Variants in LSAMP observed in about 807,000 individuals in gnomAD.
LSAMP encodes limbic system-associated membrane protein.
LSAMP carries 7 observed loss-of-function variants against 38.6 expected under a neutral mutation model. The ratio of observed to expected loss-of-function variants is 0.18; its 90% confidence interval spans 0.10 to 0.34. The LOEUF (loss-of-function observed/expected upper bound fraction) is 0.34, where lower values mean the gene tolerates loss of function less well. LSAMP is among the 10% of genes least tolerant of loss of function. The pLI, the probability that LSAMP is intolerant of heterozygous loss-of-function variation, is 1.00. For synonymous variants in LSAMP, 154 were observed against 166.8 expected, an observed-to-expected ratio of 0.92 and a Z score of 0.59; for missense variants, 313 against 420.0, an observed-to-expected ratio of 0.75 and a Z score of 2.23.
Position 116,241,208 on chromosome 3 carries a change from AT to A in LSAMP, c.156-154653del, listed in dbSNP as rs369541950. On this transcript the variant is annotated intron_variant, in intron 1 of 6. Transcript: ENST00000490035. ...AAAAAAAAAACTTGCAGATATTCCCATTTTTTTTTTCTCTTTTGCTTCCTGT... is the reference window on the plus strand; with the variant it reads ...AAAAAAAAAACTTGCAGATATTCCCATTTTTTTTTCTCTTTTGCTTCCTGT... 1.5e-3 allele frequency among the ~76,000 whole-genome samples: 215 copies of A among 143,202 alleles called. 3 individuals are homozygous for A. The highest frequency in any genetic ancestry group is 5.1e-3 in the African/African-American group (199 of 38,896). The allele number at this position is 143,202 out of a possible 152,430, so 93.9% of individuals were successfully genotyped here.
intron 1 of LSAMP, among the ~76,000 whole-genome samples, chr3:116,277,756 A>T (rs1042304695): frequency 2.0e-5 from 3 of 152,168 alleles, no homozygotes; most frequent in African/African-American, 7.2e-5. Context: ...GAGCTGTTTA[A>T]CGGTTACCTG....
intron 1 of LSAMP, among the ~76,000 whole-genome samples, chr3:116,381,093 CT>C (rs1159026693): frequency 1.3e-5 from 2 of 152,032 alleles, no homozygotes; most frequent in African/African-American, 4.8e-5. Flanking sequence ...TTTACCCCCT[CT>C]TTTTGTTTGT....
intron 3 of LSAMP, among the ~76,000 whole-genome samples, chr3:115,885,661 T>A (rs1380281755): frequency 6.6e-6 from 1 of 151,034 alleles, no homozygotes; most frequent in African/African-American, 2.5e-5. Flanking sequence ...AAGTATCTGC[T>A]GCATAAAGCA....
chr3:115,988,465 CTGTT>C (rs934299443), intron 3 of LSAMP, among the ~76,000 whole-genome samples: 10 of 151,786 alleles, frequency 6.6e-5, no homozygotes, highest in Non-Finnish European at 5.9e-5. Context: ...GTTTGTTTGT[CTGTT>C]TGTTTGTTTT....
intron 1 of LSAMP, among the ~76,000 whole-genome samples, chr3:116,439,498 AG>A (rs2049402241): frequency 6.6e-6 from 1 of 151,328 alleles, no homozygotes; most frequent in Non-Finnish European, 1.5e-5. Flanking sequence ...TGCTATAGCA[AG>A]CCCTCCACAT....
intron 1 of LSAMP, among the ~76,000 whole-genome samples, chr3:116,389,303 T>A (rs73151104): frequency 0.026 from 3,914 of 152,190 alleles, 76 homozygotes; most frequent in Middle Eastern, 0.051. Context: ...GATTTTTTTT[T>A]AAAAGGTGCT....
chr3:116,068,855 T>A (rs997029817), intron 2 of LSAMP, among the ~76,000 whole-genome samples: 3 of 152,198 alleles, frequency 2.0e-5, no homozygotes, highest in African/African-American at 7.2e-5. Context: ...GAGCTTGCAC[T>A]AGTAGAGGAA....
At chr3:116,068,432 G>T (rs148792463) in intron 2 of LSAMP, among the ~76,000 whole-genome samples, 2 of 150,088 alleles carry the variant, frequency 1.3e-5, no homozygotes, top group African/African-American at 5.1e-5. Flanking sequence ...CTTCTGACTG[G>T]ATATGTGGTA....
At chr3:116,054,076 G>T (rs1941444580) in intron 2 of LSAMP, among the ~76,000 whole-genome samples, 1 of 152,150 alleles carries the variant, frequency 6.6e-6, no homozygotes, top group South Asian at 2.1e-4. Context: ...CATGGCTATG[G>T]TCCTTCTTGA....
intron 3 of LSAMP, among the ~76,000 whole-genome samples, chr3:115,996,937 T>C (rs1485669905): frequency 6.6e-6 from 1 of 152,074 alleles, no homozygotes; most frequent in Non-Finnish European, 1.5e-5. Context: ...ATTGCTGGCC[T>C]TTTCCAAGGA....
At chr3:115,913,682 A>C (rs1937182703) in intron 3 of LSAMP, among the ~76,000 whole-genome samples, 1 of 152,238 alleles carries the variant, frequency 6.6e-6, no homozygotes, top group South Asian at 2.1e-4. Context: ...ATTGATGAGG[A>C]ATCTCTCTTT....
At chr3:116,021,148 G>T (rs1467864436) in intron 2 of LSAMP, among the ~76,000 whole-genome samples, 3 of 152,110 alleles carry the variant, frequency 2.0e-5, no homozygotes, top group African/African-American at 7.2e-5. Flanking sequence ...AAACCCAATG[G>T]CAGCAGACTG....
intron 1 of LSAMP, among the ~76,000 whole-genome samples, chr3:116,305,414 GA>G (rs2047468465): frequency 6.6e-6 from 1 of 151,966 alleles, no homozygotes; most frequent in South Asian, 2.1e-4. Context: ...CCCAGATTCT[GA>G]GGCAAGATGC....
intron 1 of LSAMP, among the ~76,000 whole-genome samples, chr3:116,442,644 T>A (rs2049452456): frequency 6.6e-6 from 1 of 152,112 alleles, no homozygotes; most frequent in Non-Finnish European, 1.5e-5. Context: ...TAAACCCTTG[T>A]CCAAGGCAAG....
At chr3:116,337,293 C>G (rs2047932608) in intron 1 of LSAMP, among the ~76,000 whole-genome samples, 1 of 151,860 alleles carries the variant, frequency 6.6e-6, no homozygotes, top group East Asian at 1.9e-4. Flanking sequence ...CACTAAACTA[C>G]ACATTTGAAA....
At chr3:116,225,846 C>A (rs919660368) in intron 1 of LSAMP, among the ~76,000 whole-genome samples, 2 of 151,408 alleles carry the variant, frequency 1.3e-5, no homozygotes, top group Admixed American at 6.6e-5. Context: ...GGTTCTTTAA[C>A]TAAAATAACA....
At chr3:116,014,532 G>A (rs576184157) in intron 3 of LSAMP, among the ~76,000 whole-genome samples, 226 of 152,124 alleles carry the variant, frequency 1.5e-3, no homozygotes, top group Non-Finnish European at 2.6e-3. Flanking sequence ...GCAATTAATA[G>A]AATAAATTGA....
At chr3:116,420,660 C>T (rs2049109644) in intron 1 of LSAMP, among the ~76,000 whole-genome samples, 1 of 151,530 alleles carries the variant, frequency 6.6e-6, no homozygotes, top group African/African-American at 2.4e-5. Context: ...CACTTGAGGT[C>T]AGGAATTCGA....
chr3:116,441,503 T>C (rs1025800375), intron 1 of LSAMP, among the ~76,000 whole-genome samples: 6 of 152,232 alleles, frequency 3.9e-5, no homozygotes, highest in Non-Finnish European at 8.8e-5. Context: ...TCAGTAGGAC[T>C]ATTAAAAATG....
Sources: gnomAD v4.1 joint callset for allele counts (sites outside exome capture counted in the v4.1 genomes callset) on GRCh38, gnomAD v4.1.1 for gene constraint, MANE v1.5 for transcripts, NCBI Gene and HGNC (gene_info 2026-07-23, HGNC 2026-07-21) for gene names.